The following CNTNAP5 variants were observed in gnomAD, a reference collection of about 807,000 sequenced individuals.
CNTNAP5 encodes the protein contactin associated protein family member 5.
Under a neutral mutation model 150.2 loss-of-function variants are expected in CNTNAP5, and 72 were observed. That is an observed-to-expected ratio of 0.48 (90% CI 0.40 to 0.58). CNTNAP5 has a LOEUF of 0.58. CNTNAP5 is among the 20% of genes least tolerant of loss of function. CNTNAP5 has a pLI of 0.00. For synonymous variants in CNTNAP5, 672 were observed against 619.8 expected (o/e 1.08, Z -1.25); for missense variants, 1,636 against 1,626.2 (o/e 1.01, Z -0.10).
In CNTNAP5 at chr2:124,561,665, A is replaced by G. The variant is rs182504279; in HGVS notation, c.1650-1552A>G. On this transcript the variant is annotated intron_variant, in intron 10 of 23. Coordinates refer to ENST00000682447, the MANE Select transcript of CNTNAP5 (RefSeq NM_001367498.1). Reference sequence around the variant, plus strand: ...AGTTATCAACAAGCTTTTCCCAAACATAAGCCCTGTCAGCACAATTGTATA... The same window carrying G: ...AGTTATCAACAAGCTTTTCCCAAACGTAAGCCCTGTCAGCACAATTGTATA... Among the ~76,000 whole-genome samples the G allele has an allele frequency of 1.0e-3, 157 of 152,348 alleles. 1 individual carries two copies. The highest frequency in any genetic ancestry group is 7.5e-3 in the Admixed American group (115 of 15,304).
chr2:124,851,094 A>G (rs1027250146), intron 19 of CNTNAP5, among the ~76,000 whole-genome samples: 2 of 152,148 alleles, frequency 1.3e-5, no homozygotes, highest in Non-Finnish European at 2.9e-5. Flanking sequence ...GCCGGGCGCA[A>G]TGGCTCATGC....
intron 10 of CNTNAP5, among the ~76,000 whole-genome samples, chr2:124,556,969 G>C (rs1695770384): frequency 6.6e-6 from 1 of 150,920 alleles, no homozygotes; most frequent in Admixed American, 6.6e-5. Flanking sequence ...ATTGTACAAA[G>C]ATTTTATCAG....
intron 11 of CNTNAP5, among the ~76,000 whole-genome samples, chr2:124,567,630 T>C (rs1696053136): frequency 2.0e-5 from 3 of 152,288 alleles, no homozygotes; most frequent in African/African-American, 4.8e-5. Flanking sequence ...ACCCAACCAA[T>C]GTTCAATGCC....
chr2:124,705,001 C>T (rs546464261), intron 13 of CNTNAP5, among the ~76,000 whole-genome samples: 49 of 152,196 alleles, frequency 3.2e-4, no homozygotes, highest in African/African-American at 1.1e-3. Context: ...TCCCCATGCC[C>T]AATCTCCCTC....
chr2:124,700,768 C>CT (rs1267126719), intron 13 of CNTNAP5, among the ~76,000 whole-genome samples: 4 of 151,856 alleles, frequency 2.6e-5, no homozygotes, highest in Non-Finnish European at 4.4e-5. Context: ...TATGAGTTTT[C>CT]TTTTTTGTAT....
chr2:124,525,208 A>T (rs1220984450), intron 9 of CNTNAP5, among the ~76,000 whole-genome samples: 1 of 152,212 alleles, frequency 6.6e-6, no homozygotes, highest in East Asian at 1.9e-4. Context: ...CTAATTTCAT[A>T]GTTGTTTGTA....
chr2:124,098,064 C>T (rs1026860897), intron 1 of CNTNAP5, among the ~76,000 whole-genome samples: 2 of 151,930 alleles, frequency 1.3e-5, no homozygotes, highest in Non-Finnish European at 2.9e-5. Context: ...AACAAAAAAG[C>T]CTTTGACTCC....
intron 1 of CNTNAP5, among the ~76,000 whole-genome samples, chr2:124,172,787 G>C (rs62163908): frequency 0.5 from 74,595 of 149,904 alleles, 19,184 homozygotes; most frequent in Admixed American, 0.54. Flanking sequence ...CTCTGTGTGT[G>C]TGTGTGTGTG....
intron 7 of CNTNAP5, among the ~76,000 whole-genome samples, chr2:124,492,388 G>A (rs1182603629): frequency 6.6e-6 from 1 of 152,066 alleles, no homozygotes; most frequent in African/African-American, 2.4e-5. Flanking sequence ...TCACCACTGT[G>A]CAATAAGTTT....
chr2:124,786,408 AAGGAAGGAAGGAAGGAAG>A (rs1681585612), intron 17 of CNTNAP5, among the ~76,000 whole-genome samples: 2 of 99,170 alleles, frequency 2.0e-5, no homozygotes, highest in African/African-American at 9.5e-5. Flanking sequence ...AGAAGGAAGG[AAGGAAGGAAGGAAGGAAG>A]GAAGGAAGGA....
At chr2:124,733,885 G>A (rs868692775) in intron 13 of CNTNAP5, among the ~76,000 whole-genome samples, 1 of 152,062 alleles carries the variant, frequency 6.6e-6, no homozygotes, top group African/African-American at 2.4e-5. Context: ...GTGTTAATAC[G>A]ACATGCACAG....
chr2:124,450,619 T>A (rs1692945969), intron 6 of CNTNAP5, among the ~76,000 whole-genome samples: 4 of 151,304 alleles, frequency 2.6e-5, no homozygotes, highest in African/African-American at 9.7e-5. Flanking sequence ...TTAAAATGTC[T>A]TCTCAGTTTA....
At chr2:124,097,366 G>A (rs1682959835) in intron 1 of CNTNAP5, among the ~76,000 whole-genome samples, 2 of 152,068 alleles carry the variant, frequency 1.3e-5, no homozygotes, top group South Asian at 2.1e-4. Flanking sequence ...CTTTCTAATC[G>A]TCCTCTCAAC....
chr2:124,064,930 C>T (rs1460095112), intron 1 of CNTNAP5, among the ~76,000 whole-genome samples: 2 of 151,932 alleles, frequency 1.3e-5, no homozygotes, highest in South Asian at 2.1e-4. Context: ...GTGTAGATTG[C>T]TCCTTTCTGC....
At chr2:124,814,389 C>T (rs922383794) in intron 19 of CNTNAP5, among the ~76,000 whole-genome samples, 1 of 152,096 alleles carries the variant, frequency 6.6e-6, no homozygotes, top group Admixed American at 6.6e-5. Context: ...CTTTCTGTAT[C>T]AGTCTATTAC....
At chr2:124,456,601 A>T (rs1251858048) in intron 6 of CNTNAP5, among the ~76,000 whole-genome samples, 1 of 152,138 alleles carries the variant, frequency 6.6e-6, no homozygotes, top group Non-Finnish European at 1.5e-5. Flanking sequence ...AAAGGAGCCC[A>T]CATAGTCAAA....
chr2:124,488,244 T>C (rs184259593), intron 7 of CNTNAP5, among the ~76,000 whole-genome samples: 4 of 152,330 alleles, frequency 2.6e-5, no homozygotes, highest in Non-Finnish European at 5.9e-5. Flanking sequence ...TTTTGTGTAA[T>C]TCCTTTTCTT....
At chr2:124,871,773 C>A in intron 21 of CNTNAP5, among the ~76,000 whole-genome samples, 1 of 152,058 alleles carries the variant, frequency 6.6e-6, no homozygotes, top group East Asian at 1.9e-4. Context: ...CATCACGTAT[C>A]TGCTTGTAGA....
chr2:124,556,726 A>G (rs932797722), intron 10 of CNTNAP5, among the ~76,000 whole-genome samples: 3 of 152,082 alleles, frequency 2.0e-5, no homozygotes, highest in Admixed American at 2.0e-4. Flanking sequence ...CACATCTTGG[A>G]TATAGGCTAT....
Sources: allele counts gnomAD v4.1 joint callset (sites outside exome capture counted in the v4.1 genomes callset), GRCh38; gene constraint gnomAD v4.1.1; transcripts MANE v1.5; gene names NCBI Gene and HGNC (gene_info 2026-07-23, HGNC 2026-07-21).